Variants in SDK2 observed in about 807,000 individuals in gnomAD.
SDK2 encodes sidekick cell adhesion molecule 2, also known as protein sidekick-2.
In SDK2, 105 loss-of-function variants were observed where a neutral mutation model predicts 253.9. The ratio of observed to expected loss-of-function variants is 0.41; its 90% CI spans 0.35 to 0.49. The LOEUF is 0.49. SDK2 is among the 20% of genes least tolerant of loss of function. The pLI is 0.06. For synonymous variants in SDK2, 1,249 were observed against 1,234.9 expected (o/e 1.01, Z -0.24); for missense variants, 2,608 against 3,003.0 (o/e 0.87, Z 3.07).
chr17:73,364,057 T>C (rs1246368650), intron 38 of SDK2, among the ~76,000 whole-genome samples: 1 of 150,496 alleles, frequency 6.6e-6, no homozygotes, highest in Non-Finnish European at 1.5e-5. Context: ...GGCTCCGTGA[T>C]TGGAGGGGGT....
intron 18 of SDK2, among the ~76,000 whole-genome samples, chr17:73,404,786 T>C (rs1461902182): frequency 6.6e-6 from 1 of 152,138 alleles, no homozygotes; most frequent in African/African-American, 2.4e-5. Flanking sequence ...AAGGCTCGGG[T>C]GTGTTCTGGG....
At chr17:73,547,058 G>A (rs915021781) in intron 1 of SDK2, among the ~76,000 whole-genome samples, 7 of 152,244 alleles carry the variant, frequency 4.6e-5, no homozygotes, top group African/African-American at 1.7e-4. Context: ...ATCCCCCTGA[G>A]TCAGGGTGGT....
chr17:73,427,466 A>G (rs1221384107), intron 12 of SDK2, among the ~76,000 whole-genome samples: 1 of 152,212 alleles, frequency 6.6e-6, no homozygotes, highest in African/African-American at 2.4e-5. Flanking sequence ...ACAAGACCAT[A>G]TGGCTCTCTT....
chr17:73,455,977 G>A lies in SDK2; in HGVS notation c.408C>T (p.Arg136=). 6.5e-7 allele frequency: 1 copy of A among 1,548,824 alleles called. No individual in the cohort carries two copies. The highest frequency in any genetic ancestry group is 8.7e-7 in the Non-Finnish European group (1 of 1,146,162). ...CCTGTGGCTGGGGGAAGCTGGCGAT[G>A]CGCGGGGCACGGATGACAGCTGCTT... ...HGEAAVIRAP[R]IASFPQPQVT... is the part of the protein sequence containing the mutation. Residue 136 remains arginine, a synonymous_variant, in exon 4 of 45, where the codon CGC becomes CGT. Transcript: ENST00000392650. The surrounding 1 kb of genome is among the most constrained non-coding windows in gnomAD (Gnocchi z 5.0).
intron 11 of SDK2, among the ~76,000 whole-genome samples, chr17:73,430,907 G>T (rs1417856824): frequency 1.3e-5 from 2 of 152,214 alleles, no homozygotes; most frequent in East Asian, 3.9e-4. Context: ...AGTGCTTCAT[G>T]CACCAGGACC....
At chr17:73,463,004 A>G (rs1193198188) in intron 3 of SDK2, among the ~76,000 whole-genome samples, 3 of 152,198 alleles carry the variant, frequency 2.0e-5, no homozygotes, top group Non-Finnish European at 4.4e-5. Context: ...GGCTGCTAAG[A>G]GGCGGTCTGT....
At chr17:73,389,992 A>G (rs965281672) in intron 29 of SDK2, among the ~76,000 whole-genome samples, 1 of 152,074 alleles carries the variant, frequency 6.6e-6, no homozygotes, top group Admixed American at 6.5e-5. Context: ...CAAGTGATCC[A>G]CCCGCCTTGG....
intron 1 of SDK2, among the ~76,000 whole-genome samples, chr17:73,606,194 C>T (rs750278337): frequency 6.6e-6 from 1 of 152,132 alleles, no homozygotes; most frequent in African/African-American, 2.4e-5. Flanking sequence ...ACAATGGACT[C>T]ATGATGAAAA....
rs1382830689 is a variant in SDK2, at chr17:73,431,036, C to T, written c.1481-423G>A. On this transcript the variant is annotated intron_variant, in intron 11 of 44. Coordinates refer to ENST00000392650, the MANE Select transcript of SDK2 (RefSeq NM_001144952.2). This position sits in a 1 kb window ranked among gnomAD's most constrained non-coding sequence, Gnocchi z 5.6. ...GCTAACTACAGGCTGGGGGCCAAAT[C>T]CGGCAGGTGGCCTTTTTGGCTAAAT... Among the ~76,000 whole-genome samples, 1 of 152,196 alleles carries T rather than the reference C, an allele frequency of 6.6e-6. No individual in the cohort carries two copies. Among genetic ancestry groups the T allele is most frequent in the Non-Finnish European group, 1.5e-5 (1 of 68,046 alleles).
At chr17:73,420,470 A>G (rs570761831) in intron 15 of SDK2, among the ~76,000 whole-genome samples, 7 of 147,574 alleles carry the variant, frequency 4.7e-5, no homozygotes, top group Non-Finnish European at 9.0e-5. Flanking sequence ...TAGCGGGATT[A>G]TGGGTGCCTG....
intron 4 of SDK2, among the ~76,000 whole-genome samples, chr17:73,454,728 G>C (rs1304212656): frequency 6.6e-6 from 1 of 152,130 alleles, no homozygotes; most frequent in Non-Finnish European, 1.5e-5. Context: ...GATGGAGTCT[G>C]GTTTTGTCTG....
intron 12 of SDK2, among the ~76,000 whole-genome samples, chr17:73,425,727 T>G (rs1470930606): frequency 6.6e-6 from 1 of 152,048 alleles, no homozygotes. Flanking sequence ...GGCTGGTCTC[T>G]AACTCCTGAC....
chr17:73,577,306 C>T (rs1309446980), intron 1 of SDK2, among the ~76,000 whole-genome samples: 1 of 152,210 alleles, frequency 6.6e-6, no homozygotes, highest in Non-Finnish European at 1.5e-5. Context: ...TCCATTGGCA[C>T]CAAAGTTCCA....
intron 1 of SDK2, among the ~76,000 whole-genome samples, chr17:73,542,528 G>T (rs900522427): frequency 2.6e-5 from 4 of 152,218 alleles, no homozygotes; most frequent in Non-Finnish European, 5.9e-5. Flanking sequence ...GAGCAGCCGG[G>T]CCTGGTAAGC....
At chr17:73,364,549 C>T (rs1417801430) in intron 38 of SDK2, among the ~76,000 whole-genome samples, 2 of 152,116 alleles carry the variant, frequency 1.3e-5, no homozygotes, top group African/African-American at 4.8e-5. Flanking sequence ...AGGACTAACC[C>T]ACAGTAAAGC....
chr17:73,589,217 C>A, intron 1 of SDK2, among the ~76,000 whole-genome samples: 1 of 152,390 alleles, frequency 6.6e-6, no homozygotes, highest in South Asian at 2.1e-4. Context: ...AAGAAATTCA[C>A]GCTCCAGCTC....
At chr17:73,548,150 C>A (rs1456653808) in intron 1 of SDK2, among the ~76,000 whole-genome samples, 1 of 152,212 alleles carries the variant, frequency 6.6e-6, no homozygotes, top group Admixed American at 6.5e-5. Context: ...CAGAGCCAAA[C>A]CCTATCAATG....
chr17:73,424,972 C>T (rs1369628420), intron 12 of SDK2, among the ~76,000 whole-genome samples: 4 of 152,240 alleles, frequency 2.6e-5, no homozygotes, highest in Admixed American at 2.6e-4. Context: ...GTAATCCCAG[C>T]ACTTTGGGAG....
intron 1 of SDK2, among the ~76,000 whole-genome samples, chr17:73,623,470 A>G (rs917602333): frequency 6.6e-6 from 1 of 152,204 alleles, no homozygotes; most frequent in Non-Finnish European, 1.5e-5. Flanking sequence ...GGGGGAAGGA[A>G]GGAGTGAGGG....
Sources: allele counts gnomAD v4.1 joint callset (sites outside exome capture counted in the v4.1 genomes callset), GRCh38; gene constraint gnomAD v4.1.1; non-coding constraint Gnocchi (gnomAD v3.1); transcripts MANE v1.5; gene names NCBI Gene and HGNC (gene_info 2026-07-23, HGNC 2026-07-21).